MCPH1: variants seen among roughly 807,000 people sequenced by gnomAD.
The protein encoded by MCPH1 is microcephalin 1.
MCPH1 carries 104 observed loss-of-function variants against 84.5 expected under a neutral mutation model. The ratio of observed to expected loss-of-function variants is 1.23; its 90% CI spans 1.05 to 1.45. The LOEUF (loss-of-function observed/expected upper bound fraction) is 1.45, where lower values mean the gene tolerates loss of function less well. MCPH1 is among the 40% of genes most tolerant of loss of function. The probability of loss-of-function intolerance (pLI) is 0.00; values close to 1 mark genes in which losing one functional copy is unlikely to be tolerated. For missense variants in MCPH1, 1,498 were observed against 1,005.7 expected (o/e 1.49, Z -6.62); for synonymous variants, 514 against 366.8 (o/e 1.40, Z -4.58).
rs142416169 is a variant in MCPH1 at position 6,546,939 on chromosome 8, C to T, written c.2214+47010C>T. On this transcript the variant is annotated intron_variant, in intron 12 of 13. Transcript: ENST00000344683. ...CTTCTGAAATCACTAGGAAAAACAG[C>T]CATGTTCCTTGCAAGCTGGCTGGTT... Among the ~76,000 whole-genome samples, 11 of 152,304 alleles carry T rather than the reference C, an allele frequency of 7.2e-5. No individual in the cohort carries two copies. In the East Asian group the frequency reaches 2.1e-3, roughly 29 times the overall value.
At chr8:6,475,902 C>T (rs1808386963) in intron 9 of MCPH1, among the ~76,000 whole-genome samples, 2 of 152,138 alleles carry the variant, frequency 1.3e-5, no homozygotes. Context: ...GAGAGGCCGT[C>T]ACCAGAAAGA....
At chr8:6,589,012 T>C (rs1388217835) in intron 12 of MCPH1, among the ~76,000 whole-genome samples, 1 of 152,238 alleles carries the variant, frequency 6.6e-6, no homozygotes, top group East Asian at 1.9e-4. Flanking sequence ...GGGATTCTTT[T>C]GCTTTTACAA....
intron 12 of MCPH1, among the ~76,000 whole-genome samples, chr8:6,540,164 G>A (rs1821283805): frequency 6.6e-6 from 1 of 152,118 alleles, no homozygotes; most frequent in Admixed American, 6.5e-5. Flanking sequence ...GAGTGCAGCT[G>A]CATATTCTTT....
At chr8:6,515,554 T>C (rs1816098217) in intron 12 of MCPH1, among the ~76,000 whole-genome samples, 1 of 152,224 alleles carries the variant, frequency 6.6e-6, no homozygotes, top group Non-Finnish European at 1.5e-5. Flanking sequence ...CAGAATTCTT[T>C]CTTAAGCTAA....
At chr8:6,628,985 A>T (rs1563214734) in intron 13 of MCPH1, among the ~76,000 whole-genome samples, 2 of 152,354 alleles carry the variant, frequency 1.3e-5, no homozygotes, top group East Asian at 3.9e-4. Flanking sequence ...TTGAAACTAA[A>T]GTGACCTAAA....
intron 12 of MCPH1, among the ~76,000 whole-genome samples, chr8:6,504,008 G>T (rs544567686): frequency 6.6e-6 from 1 of 152,110 alleles, no homozygotes; most frequent in African/African-American, 2.4e-5. Flanking sequence ...ATATTAAATG[G>T]AAAAATCTAG....
intron 11 of MCPH1, 161 bp from the exon 12 acceptor site, chr8:6,499,691 T>C (rs1811775763): frequency 1.6e-6 from 1 of 637,488 alleles, no homozygotes; most frequent in African/African-American, 1.8e-5. Context: ...ATAACATTTA[T>C]GCAACATGAA....
At chr8:6,621,206 C>G (rs1831376645) in intron 12 of MCPH1, 1 of 557,952 alleles carries the variant, frequency 1.8e-6, no homozygotes, top group Non-Finnish European at 3.2e-6. Flanking sequence ...ATTCAAAGGC[C>G]TACACTTTTT....
chr8:6,474,912 ACTAGT>A (rs1337503338), intron 9 of MCPH1, among the ~76,000 whole-genome samples: 1 of 152,252 alleles, frequency 6.6e-6, no homozygotes, highest in Non-Finnish European at 1.5e-5. Flanking sequence ...CAAATATTCA[ACTAGT>A]CTCATTTGCC....
chr8:6,505,251 T>TATGTATATATAGAATATATA (rs1563305171), intron 12 of MCPH1, among the ~76,000 whole-genome samples: 2 of 82,210 alleles, frequency 2.4e-5, no homozygotes, highest in African/African-American at 5.0e-5. Context: ...TATATATTCT[T>TATGTATATATAGAATATATA]TATATATGTT....
intron 9 of MCPH1, among the ~76,000 whole-genome samples, chr8:6,460,538 C>T (rs1261511073): frequency 6.6e-6 from 1 of 152,176 alleles, no homozygotes; most frequent in African/African-American, 2.4e-5. Flanking sequence ...AAACCATTTC[C>T]AGTTCTCTGT....
chr8:6,482,351 T>C (rs1809349846), intron 11 of MCPH1, among the ~76,000 whole-genome samples: 1 of 152,176 alleles, frequency 6.6e-6, no homozygotes, highest in East Asian at 1.9e-4. Flanking sequence ...GCATACTATA[T>C]ATATAGGGTT....
intron 3 of MCPH1, among the ~76,000 whole-genome samples, chr8:6,421,328 C>T (rs529718522): frequency 6.6e-6 from 1 of 152,152 alleles, no homozygotes; most frequent in Non-Finnish European, 1.5e-5. Flanking sequence ...GAGCTATCAC[C>T]CAACATTCCT....
Position 6,647,022 on chromosome 8 carries a change from C to T in MCPH1, c.*3973C>T, listed in dbSNP as rs1798246765. On this transcript the variant is annotated 3_prime_UTR_variant, in exon 14 of 14. Coordinates refer to ENST00000344683, the MANE Select transcript of MCPH1 (RefSeq NM_024596.5). ...TAAAAAAAAATGAAAAGACAAGCCACAGACTATGAAAAAATACTTGCAAAT... is the reference window on the plus strand; with the variant it reads ...TAAAAAAAAATGAAAAGACAAGCCATAGACTATGAAAAAATACTTGCAAAT... 1 of 151,852 alleles carries T rather than the reference C, an allele frequency of 6.6e-6. No homozygotes were observed. Among genetic ancestry groups the T allele is most frequent in the African/African-American group, 2.4e-5 (1 of 41,328 alleles). The allele number at this position is 151,852 out of a possible 1,614,324, so 9.4% of individuals were successfully genotyped here.
chr8:6,642,934 A>G lies in MCPH1; in HGVS notation c.2453-60A>G, dbSNP rs1231920025. On this transcript the variant is annotated intron_variant, in intron 13 of 13. Transcript: ENST00000344683. ...AGTTTCATGTATATACAAACAGGTTATCACTTTCCTATGTGGCTGGCTATT... is the reference window on the plus strand; with the variant it reads ...AGTTTCATGTATATACAAACAGGTTGTCACTTTCCTATGTGGCTGGCTATT... 6.1e-6 allele frequency: 9 copies of G among 1,486,908 alleles called. No individual in the cohort carries two copies. The Admixed American group carries it at 1.5e-4, about 25-fold the overall frequency. 92.1% of individuals were successfully genotyped at this position (1,486,908 alleles called of 1,614,324 possible). A position where few individuals can be genotyped will look rare whatever the true frequency, so the allele number is the denominator to read the frequency against.
In MCPH1 at chr8:6,459,194, A is replaced by G. The variant is rs940485304; in HGVS notation, c.1935+3942A>G. On this transcript the variant is annotated intron_variant, in intron 9 of 13. Transcript: ENST00000344683. Reference sequence around the variant, plus strand: ...TCAACCATTCTTTTTTTCCCATTAAATAGGTTTTACCTGCTTATTTTGTTC... The same window carrying G: ...TCAACCATTCTTTTTTTCCCATTAAGTAGGTTTTACCTGCTTATTTTGTTC... Among the ~76,000 whole-genome samples, 13 of 152,354 alleles carry G rather than the reference A, an allele frequency of 8.5e-5. 1 individual carries two copies. Among genetic ancestry groups the G allele is most frequent in the African/African-American group, 3.1e-4 (13 of 41,590 alleles).
intron 13 of MCPH1, among the ~76,000 whole-genome samples, chr8:6,628,371 T>G (rs1796907240): frequency 6.9e-6 from 1 of 145,470 alleles, no homozygotes; most frequent in Non-Finnish European, 1.5e-5. Context: ...CTCAGGAGGC[T>G]GAGGCAGGAG....
chr8:6,627,086 G>A (rs1178439135), intron 13 of MCPH1: 19 of 985,154 alleles, frequency 1.9e-5, no homozygotes, highest in East Asian at 1.1e-4. Context: ...AAAAAGATCC[G>A]ATAGCATGCA....
At position 6,443,755 on chromosome 8, in the gene MCPH1, A is replaced by G. The variant is rs141694750; in HGVS notation, c.671-638A>G. 4.7e-3 allele frequency among the ~76,000 whole-genome samples: 713 copies of G among 152,318 alleles called. 7 individuals are homozygous for G. The highest frequency in any genetic ancestry group is 0.017 in the African/African-American group (687 of 41,582). The stretch of plus-strand genomic sequence containing the variant: ...TGTTGACAACCCAGGTGGGTTTGGA[A>G]GGATGAATTGTATTTACCCAGAATA... On this transcript the variant is annotated intron_variant, in intron 7 of 13. Transcript: ENST00000344683.
Sources: gnomAD v4.1 joint callset for allele counts (sites outside exome capture counted in the v4.1 genomes callset) on GRCh38, gnomAD v4.1.1 for gene constraint, MANE v1.5 for transcripts, NCBI Gene and HGNC (gene_info 2026-07-23, HGNC 2026-07-21) for gene names.